Variants in CPXM2 observed in about 807,000 individuals in gnomAD.
CPXM2 encodes carboxypeptidase X, M14 family member 2, also known as inactive carboxypeptidase-like protein X2.
CPXM2 carries 66 observed loss-of-function variants against 86.1 expected under a neutral mutation model. The ratio of observed to expected loss-of-function variants is 0.77; its 90% confidence interval spans 0.63 to 0.94. The LOEUF (loss-of-function observed/expected upper bound fraction) is 0.94. Among genes scored for constraint, CPXM2 ranks in the 40% least tolerant of loss-of-function variants. CPXM2 has a pLI of 0.00. For missense variants in CPXM2, 948 were observed against 1,026.3 expected (o/e 0.92, Z 1.04); for synonymous variants, 388 against 400.2 (o/e 0.97, Z 0.36).
intron 2 of CPXM2, among the ~76,000 whole-genome samples, chr10:123,926,237 C>T (rs1261956309): frequency 6.6e-6 from 1 of 152,226 alleles, no homozygotes; most frequent in Non-Finnish European, 1.5e-5. Context: ...GATACCGGGT[C>T]TTACCATGGA....
rs145279129 is a variant in CPXM2, at chr10:123,762,022, G to A, written c.1627C>T (p.Pro543Ser). 1.1e-4 allele frequency: 180 copies of A among 1,612,186 alleles called. No individual in the cohort carries two copies. The highest frequency in any genetic ancestry group is 1.4e-4 in the Non-Finnish European group (168 of 1,178,424). The change falls in exon 11 of 14, where the codon CCC (proline) becomes TCC (serine). Residue 543 changes from proline to serine, a missense_variant. Pro to Ser is a moderately conservative substitution (Grantham distance 74). Transcript: ENST00000241305. ...PWKTQEHTPT[P>S]DDHVFRWLAY... ...AGCCAGCGGAACACGTGGTCGTCGGGGGTGGGGGTGTGTTCCTGCGTCTTC... is the reference window on the plus strand; with the variant it reads ...AGCCAGCGGAACACGTGGTCGTCGGAGGTGGGGGTGTGTTCCTGCGTCTTC...
chr10:123,761,608 C>T (rs1432832089), intron 11 of CPXM2, among the ~76,000 whole-genome samples: 2 of 152,198 alleles, frequency 1.3e-5, no homozygotes, highest in Admixed American at 1.3e-4. Flanking sequence ...AGACCCCAGC[C>T]CTGTGCCTTT....
chr10:123,829,262 A>C (rs1848110871), intron 4 of CPXM2, among the ~76,000 whole-genome samples: 1 of 152,256 alleles, frequency 6.6e-6, no homozygotes, highest in African/African-American at 2.4e-5. Context: ...TCACTCAGAC[A>C]TTGCTGGTGG....
intron 10 of CPXM2, among the ~76,000 whole-genome samples, chr10:123,765,910 G>A (rs779254207): frequency 1.3e-5 from 2 of 152,134 alleles, no homozygotes; most frequent in South Asian, 2.1e-4. Context: ...GTAGAAGTCC[G>A]ATCTTTTGTT....
At chr10:123,809,180 C>T (rs1169735522) in intron 4 of CPXM2, among the ~76,000 whole-genome samples, 1 of 152,064 alleles carries the variant, frequency 6.6e-6, no homozygotes, top group Non-Finnish European at 1.5e-5. Context: ...TGCTTATAAC[C>T]TTTATTTTAT....
chr10:123,855,723 C>G (rs1294002200), intron 3 of CPXM2, among the ~76,000 whole-genome samples: 1 of 152,226 alleles, frequency 6.6e-6, no homozygotes, highest in African/African-American at 2.4e-5. Flanking sequence ...CAGCAGCCGC[C>G]TCCAAATATC....
intron 8 of CPXM2, among the ~76,000 whole-genome samples, chr10:123,769,788 C>A (rs985386521): frequency 2.0e-5 from 3 of 152,206 alleles, no homozygotes; most frequent in African/African-American, 7.2e-5. Context: ...GCTTCCCGAA[C>A]TGTGAGCAAT....
Position 123,885,544 on chromosome 10 carries a change from G to T in CPXM2, c.305-5235C>A, listed in dbSNP as rs1471775557. ...TCAGGGGCTTAAATTAACATGTGAA[G>T]CTGTTTTGTGCCATGCTAACCATCC... On this transcript the variant is annotated intron_variant, in intron 1 of 13. Coordinates refer to ENST00000241305, the MANE Select transcript of CPXM2 (RefSeq NM_198148.3). The surrounding 1 kb of genome is among the most constrained non-coding windows in gnomAD (Gnocchi z 4.0). 3.9e-5 allele frequency among the ~76,000 whole-genome samples: 6 copies of T among 152,236 alleles called. No homozygotes were observed. Among genetic ancestry groups the T allele is most frequent in the Admixed American group, 3.9e-4 (6 of 15,288 alleles).
chr10:123,835,705 G>A (rs892867301), intron 4 of CPXM2, among the ~76,000 whole-genome samples: 5 of 152,174 alleles, frequency 3.3e-5, no homozygotes, highest in African/African-American at 1.2e-4. Flanking sequence ...CTGAGAAGAT[G>A]GGTGAATGAT....
intron 2 of CPXM2, among the ~76,000 whole-genome samples, chr10:123,912,600 G>A (rs1301274623): frequency 2.0e-5 from 3 of 152,214 alleles, no homozygotes; most frequent in East Asian, 3.8e-4. Flanking sequence ...TCACCCCAAA[G>A]CCTGCTAATT....
intron 2 of CPXM2, among the ~76,000 whole-genome samples, chr10:123,871,495 T>A (rs1002215610): frequency 6.6e-6 from 1 of 152,238 alleles, no homozygotes; most frequent in Non-Finnish European, 1.5e-5. Context: ...AGCACTTGCC[T>A]ATTATCAGCT....
At chr10:123,807,759 T>C (rs921062185) in intron 4 of CPXM2, among the ~76,000 whole-genome samples, 2 of 152,192 alleles carry the variant, frequency 1.3e-5, no homozygotes, top group African/African-American at 4.8e-5. Context: ...GCAAATCCAT[T>C]GTTATTAAAG....
intron 4 of CPXM2, among the ~76,000 whole-genome samples, chr10:123,811,110 C>A (rs1342072074): frequency 1.3e-5 from 2 of 150,720 alleles, no homozygotes; most frequent in African/African-American, 4.9e-5. Flanking sequence ...GGACCCTATA[C>A]CTAACATTTT....
intron 6 of CPXM2, among the ~76,000 whole-genome samples, chr10:123,795,375 C>T (rs527998178): frequency 3.9e-4 from 60 of 152,154 alleles, no homozygotes; most frequent in Non-Finnish European, 4.4e-5. Flanking sequence ...CACCCTCATC[C>T]GCCCCCACCG....
chr10:123,896,924 A>G (rs1294074890), upstream of CPXM2, among the ~76,000 whole-genome samples: 2 of 152,162 alleles, frequency 1.3e-5, no homozygotes, highest in African/African-American at 2.4e-5. Context: ...TTGCCTCTGT[A>G]TCTGGGAGGC....
chr10:123,908,788 C>A (rs1165207063), intron 2 of CPXM2, among the ~76,000 whole-genome samples: 3 of 152,120 alleles, frequency 2.0e-5, no homozygotes, highest in Non-Finnish European at 4.4e-5. Context: ...TGGAGACCTT[C>A]TGCAGTGAAG....
chr10:123,919,627 C>A (rs1490944679), intron 2 of CPXM2, among the ~76,000 whole-genome samples: 2 of 152,118 alleles, frequency 1.3e-5, no homozygotes, highest in Non-Finnish European at 2.9e-5. Context: ...TTTTGAAAGT[C>A]CCTAGAGAGG....
chr10:123,870,931 G>A (rs2134212714), intron 2 of CPXM2, among the ~76,000 whole-genome samples: 1 of 152,260 alleles, frequency 6.6e-6, no homozygotes. Context: ...CTGCAAACCT[G>A]GCTGGGGTCT....
At chr10:123,830,872 C>CTGTGTGTG (rs34599295) in intron 4 of CPXM2, among the ~76,000 whole-genome samples, 13 of 142,800 alleles carry the variant, frequency 9.1e-5, no homozygotes, top group South Asian at 4.6e-4. Flanking sequence ...CTCTCTCTCT[C>CTGTGTGTG]TGTGTGTGTG....
Sources: allele counts gnomAD v4.1 joint callset (sites outside exome capture counted in the v4.1 genomes callset), GRCh38; gene constraint gnomAD v4.1.1; non-coding constraint Gnocchi (gnomAD v3.1); transcripts MANE v1.5; gene names NCBI Gene and HGNC (gene_info 2026-07-23, HGNC 2026-07-21).